Variants in SLC39A10 observed in about 807,000 individuals in gnomAD.
SLC39A10 encodes the protein solute carrier family 39 member 10.
In SLC39A10, 13 loss-of-function variants were observed where a neutral mutation model predicts 65.1. The ratio of observed to expected loss-of-function variants is 0.20; its 90% CI spans 0.13 to 0.32. The LOEUF (loss-of-function observed/expected upper bound fraction) is 0.32. SLC39A10 is among the 10% of genes least tolerant of loss of function. The pLI, the probability that SLC39A10 is intolerant of heterozygous loss-of-function variation, is 1.00. For missense variants in SLC39A10, 831 were observed against 1,018.4 expected (o/e 0.82, Z 2.50); for synonymous variants, 321 against 342.2 (o/e 0.94, Z 0.68).
In SLC39A10 at chr2:195,680,275, C is replaced by A; in HGVS notation, c.233C>A (p.Ser78Tyr). 6.2e-7 allele frequency: 1 copy of A among 1,613,952 alleles called. No individual in the cohort carries two copies. The highest frequency in any genetic ancestry group is 1.3e-5 in the African/African-American group (1 of 74,998). Residue 78 changes from serine (S) to tyrosine (Y), a missense_variant, in exon 2 of 10, where the codon TCC (serine) becomes TAC (tyrosine). By Grantham distance (144) the Ser-to-Tyr change is moderately radical (BLOSUM62 -2). This residue lies in a region of SLC39A10 where 446 missense variants were observed against 499.2 expected (regional missense o/e 0.89). Coordinates refer to ENST00000359634, the MANE Select transcript of SLC39A10 (RefSeq NM_020342.3). Reference sequence around the variant, plus strand: ...CGTTATGGTGAAAATGGAAGATTATCCTTTTTTGGTTTGGAGAAACTTTTA... The same window carrying A: ...CGTTATGGTGAAAATGGAAGATTATACTTTTTTGGTTTGGAGAAACTTTTA... ...FERYGENGRLSFFGLEKLLTN... is the reference protein window; with the variant it reads ...FERYGENGRLYFFGLEKLLTN...
At position 195,680,652 on chromosome 2, in the gene SLC39A10, A is replaced by G; in HGVS notation, c.610A>G (p.Ser204Gly). The change falls in exon 2 of 10, where the codon AGT becomes GGT. Residue 204 changes from serine (S) to glycine (G), a missense_variant. Ser to Gly is a moderately conservative substitution (Grantham distance 56). Around this residue, in one of 4 missense-constraint regions of SLC39A10, gnomAD observed 446 missense variants for 499.2 expected, o/e 0.89. Transcript: ENST00000359634. ...TTTTCATAATGATTCCATTACTCCC[A>G]GTGAGCGTGGGGAGCCTAGCAATGA... ...HHFHNDSITPSERGEPSNEPS... is the reference protein window; with the variant it reads ...HHFHNDSITPGERGEPSNEPS... The G allele has an allele frequency of 1.9e-6, 3 of 1,614,164 alleles. No homozygotes were observed. Among genetic ancestry groups the G allele is most frequent in the Non-Finnish European group, 2.5e-6 (3 of 1,180,024 alleles).
intron 5 of SLC39A10, among the ~76,000 whole-genome samples, chr2:195,709,651 C>T (rs1266850965): frequency 6.6e-6 from 1 of 152,118 alleles, no homozygotes; most frequent in East Asian, 1.9e-4. Flanking sequence ...CTTGGGATTA[C>T]AGGCATGAGG....
intron 4 of SLC39A10, among the ~76,000 whole-genome samples, chr2:195,707,568 A>G (rs773624210): frequency 6.7e-6 from 1 of 150,060 alleles, no homozygotes; most frequent in Non-Finnish European, 1.5e-5. Context: ...CAGATTTAGT[A>G]TCTACAGCAA....
intron 8 of SLC39A10, among the ~76,000 whole-genome samples, chr2:195,723,020 T>C (rs965414155): frequency 6.6e-6 from 1 of 152,198 alleles, no homozygotes; most frequent in Non-Finnish European, 1.5e-5. Flanking sequence ...TTCTTAGCAC[T>C]TACCCCTTTT....
chr2:195,716,581 A>C, intron 6 of SLC39A10, 56 bp from the exon 7 acceptor site: 1 of 1,273,434 alleles, frequency 7.9e-7, no homozygotes, highest in East Asian at 2.4e-5. Flanking sequence ...TGTTTAAATT[A>C]GCAAATATCC....
intron 7 of SLC39A10, among the ~76,000 whole-genome samples, chr2:195,717,706 C>A (rs1212984564): frequency 6.6e-6 from 1 of 152,062 alleles, no homozygotes; most frequent in Non-Finnish European, 1.5e-5. Flanking sequence ...AGGCATGAGC[C>A]ACCTGCTCAG....
chr2:195,671,657 A>C (rs760151715), intron 1 of SLC39A10: 4 of 152,188 alleles, frequency 2.6e-5, no homozygotes, highest in Non-Finnish European at 4.4e-5. Context: ...TCCATCTCAG[A>C]GATCCTCTTT....
At chr2:195,649,179 G>T (rs558135020) in intron 2 of SLC39A10, among the ~76,000 whole-genome samples, 12 of 152,092 alleles carry the variant, frequency 7.9e-5, no homozygotes, top group Non-Finnish European at 1.6e-4. Flanking sequence ...ACAACAAAAA[G>T]ATATGTGCTG....
chr2:195,618,281 G>A (rs549180929), intron 2 of SLC39A10, among the ~76,000 whole-genome samples: 1 of 150,972 alleles, frequency 6.6e-6, no homozygotes, highest in Non-Finnish European at 1.5e-5. Context: ...AGCCTGGGAG[G>A]GAGAGGTTGC....
chr2:195,725,440 GTT>G (rs1178980030), intron 8 of SLC39A10, among the ~76,000 whole-genome samples: 1 of 152,110 alleles, frequency 6.6e-6, no homozygotes, highest in East Asian at 1.9e-4. Context: ...TTGAACAAAT[GTT>G]TCACTGAAGA....
At chr2:195,714,127 T>G (rs1183020715) in intron 6 of SLC39A10, among the ~76,000 whole-genome samples, 1 of 152,042 alleles carries the variant, frequency 6.6e-6, no homozygotes, top group Non-Finnish European at 1.5e-5. Context: ...GGGACGGGGT[T>G]TCACCGTGTC....
chr2:195,663,546 C>A (rs1336038707), intron 1 of SLC39A10, among the ~76,000 whole-genome samples: 2 of 151,938 alleles, frequency 1.3e-5, no homozygotes, highest in African/African-American at 4.8e-5. Context: ...ATAACGTATT[C>A]TGTGTATATA....
chr2:195,666,227 CAT>C (rs928746322), intron 1 of SLC39A10, among the ~76,000 whole-genome samples: 5 of 152,176 alleles, frequency 3.3e-5, no homozygotes, highest in African/African-American at 1.2e-4. Flanking sequence ...TTGTCTGAAA[CAT>C]AAAAAAAGTC....
intron 3 of SLC39A10, among the ~76,000 whole-genome samples, chr2:195,702,392 T>C (rs73987257): frequency 0.016 from 2,386 of 152,312 alleles, 64 homozygotes; most frequent in African/African-American, 0.054. Context: ...GATGGGTAGC[T>C]GCCACTAAAC....
At chr2:195,718,406 T>G in intron 8 of SLC39A10, 74 bp downstream of exon 8, 1 of 1,119,402 alleles carries the variant, frequency 8.9e-7, no homozygotes. Context: ...CATTCAAATT[T>G]CAGAGATGTT....
At chr2:195,618,595 C>A (rs145892044) in intron 2 of SLC39A10, among the ~76,000 whole-genome samples, 1 of 152,116 alleles carries the variant, frequency 6.6e-6, no homozygotes, top group African/African-American at 2.4e-5. Flanking sequence ...CTTTTCCTTA[C>A]AATATATTGT....
At chr2:195,672,228 T>C (rs1689890411) in intron 1 of SLC39A10, among the ~76,000 whole-genome samples, 2 of 152,100 alleles carry the variant, frequency 1.3e-5, no homozygotes, top group South Asian at 4.1e-4. Context: ...CCTCCTGGGT[T>C]CAATCAATCC....
intron 1 of SLC39A10, among the ~76,000 whole-genome samples, chr2:195,670,739 G>C (rs958120993): frequency 5.9e-5 from 9 of 152,118 alleles, no homozygotes; most frequent in African/African-American, 2.2e-4. Flanking sequence ...GTTGGGGAAA[G>C]AGTACATGGA....
chr2:195,663,883 C>T (rs1418164471), intron 1 of SLC39A10, among the ~76,000 whole-genome samples: 1 of 150,080 alleles, frequency 6.7e-6, no homozygotes, highest in Non-Finnish European at 1.5e-5. Flanking sequence ...AAGTTTGGGG[C>T]ATGAATGATC....
Sources: gnomAD v4.1 joint callset for allele counts (sites outside exome capture counted in the v4.1 genomes callset) on GRCh38, gnomAD v4.1.1 for gene constraint, gnomAD v4.1.1 regional missense constraint, MANE v1.5 for transcripts, NCBI Gene and HGNC (gene_info 2026-07-23, HGNC 2026-07-21) for gene names.